SOX5: variants seen among roughly 807,000 people sequenced by gnomAD.
SOX5 encodes the protein SRY-box transcription factor 5.
SOX5 carries 9 observed loss-of-function variants against 92.0 expected under a neutral mutation model. The observed-to-expected ratio is 0.10, with a 90% CI of 0.06 to 0.17. The LOEUF is 0.17. Among genes scored for constraint, SOX5 ranks in the 10% least tolerant of loss-of-function variants. The probability of loss-of-function intolerance (pLI) is 1.00; values close to 1 mark genes in which losing one functional copy is unlikely to be tolerated. For synonymous variants in SOX5, 344 were observed against 336.3 expected (o/e 1.02, Z -0.25); for missense variants, 642 against 944.5 (o/e 0.68, Z 4.20).
intron 1 of SOX5, among the ~76,000 whole-genome samples, chr12:24,547,412 C>T (rs189104468): frequency 1.3e-3 from 190 of 151,310 alleles, no homozygotes; most frequent in Admixed American, 2.3e-3. Flanking sequence ...AGGATGGTCT[C>T]GATCTCCTGA....
At chr12:24,092,800 C>T (rs961789126) in intron 4 of SOX5, among the ~76,000 whole-genome samples, 2 of 152,082 alleles carry the variant, frequency 1.3e-5, no homozygotes, top group African/African-American at 4.8e-5. Flanking sequence ...ATTTTTCCAC[C>T]ACCAAATCTT....
At chr12:23,809,760 CTT>C (rs34337302) in intron 3 of SOX5, among the ~76,000 whole-genome samples, 14,332 of 133,012 alleles carry the variant, frequency 0.11, 702 homozygotes, top group Non-Finnish European at 0.15. Context: ...AAATGAAAGT[CTT>C]TTTTTTTTTT....
At chr12:23,626,108 AAG>A (rs1305811170) in intron 8 of SOX5, among the ~76,000 whole-genome samples, 1 of 152,118 alleles carries the variant, frequency 6.6e-6, no homozygotes, top group Non-Finnish European at 1.5e-5. Flanking sequence ...GAAAGAGAAA[AAG>A]AAAGAGACAG....
At chr12:24,362,459 C>T (rs749109069) in intron 2 of SOX5, among the ~76,000 whole-genome samples, 6 of 152,154 alleles carry the variant, frequency 3.9e-5, no homozygotes, top group Non-Finnish European at 7.4e-5. Flanking sequence ...ACTGACTTCA[C>T]GGGTAACCAG....
intron 3 of SOX5, among the ~76,000 whole-genome samples, chr12:24,222,860 C>G (rs1020846828): frequency 6.6e-6 from 1 of 152,138 alleles, no homozygotes; most frequent in East Asian, 1.9e-4. Flanking sequence ...GGTAGGCAAG[C>G]TTTTAACATT....
intron 3 of SOX5, among the ~76,000 whole-genome samples, chr12:23,837,294 T>C (rs1323653354): frequency 1.8e-5 from 2 of 108,530 alleles, no homozygotes; most frequent in East Asian, 6.0e-4. Context: ...TTTATATTTA[T>C]ATAATATATA....
At chr12:24,352,623 T>G (rs1366141429) in intron 2 of SOX5, among the ~76,000 whole-genome samples, 1 of 152,232 alleles carries the variant, frequency 6.6e-6, no homozygotes, top group Non-Finnish European at 1.5e-5. Context: ...TTTTTTTATC[T>G]AGTCAAATAT....
chr12:24,068,015 T>G (rs930596936), intron 4 of SOX5, among the ~76,000 whole-genome samples: 2 of 151,874 alleles, frequency 1.3e-5, no homozygotes, highest in Non-Finnish European at 2.9e-5. Context: ...CGTGGTGGTG[T>G]GCGCCTGTAG....
intron 1 of SOX5, among the ~76,000 whole-genome samples, chr12:24,454,089 T>C (rs796520371): frequency 2.6e-5 from 4 of 152,286 alleles, no homozygotes; most frequent in African/African-American, 9.6e-5. Context: ...AGCTATATTC[T>C]TTGTTTCTTC....
intron 6 of SOX5, among the ~76,000 whole-genome samples, chr12:23,732,452 G>A (rs1172168105): frequency 7.1e-6 from 1 of 140,994 alleles, no homozygotes; most frequent in South Asian, 2.4e-4. Flanking sequence ...TATGCTTTTC[G>A]TTAATGAATA....
intron 4 of SOX5, among the ~76,000 whole-genome samples, chr12:24,195,108 T>C (rs1194969727): frequency 1.3e-5 from 2 of 148,376 alleles, no homozygotes; most frequent in Non-Finnish European, 3.0e-5. Flanking sequence ...AGCAATTATC[T>C]ACTAGTTGCA....
chr12:23,689,259 C>A (rs1327131638), intron 6 of SOX5, among the ~76,000 whole-genome samples: 1 of 151,982 alleles, frequency 6.6e-6, no homozygotes, highest in Non-Finnish European at 1.5e-5. Context: ...TTCTGATATC[C>A]AAATTGTATA....
At chr12:24,521,694 A>C (rs1302680855) in intron 1 of SOX5, among the ~76,000 whole-genome samples, 1 of 152,212 alleles carries the variant, frequency 6.6e-6, no homozygotes. Flanking sequence ...AGTAAACAAC[A>C]CACTCTTGAA....
At chr12:24,248,301 C>A (rs989199754) in intron 3 of SOX5, among the ~76,000 whole-genome samples, 9 of 152,122 alleles carry the variant, frequency 5.9e-5, no homozygotes, top group Non-Finnish European at 1.2e-4. Context: ...ACTCAGAGAG[C>A]CAATATTCCT....
At chr12:24,374,302 G>A (rs375944182) in intron 1 of SOX5, among the ~76,000 whole-genome samples, 1 of 152,102 alleles carries the variant, frequency 6.6e-6, no homozygotes, top group East Asian at 1.9e-4. Flanking sequence ...GGCAGCGAGA[G>A]CACAGGACTG....
intron 4 of SOX5, among the ~76,000 whole-genome samples, chr12:24,187,321 T>C (rs1015736993): frequency 1.3e-5 from 2 of 152,214 alleles, no homozygotes; most frequent in Non-Finnish European, 2.9e-5. Flanking sequence ...GTCCTGCTGC[T>C]TTCTGAGCTG....
chr12:24,392,747 T>C (rs1417725997), intron 1 of SOX5, among the ~76,000 whole-genome samples: 3 of 152,216 alleles, frequency 2.0e-5, no homozygotes, highest in African/African-American at 7.2e-5. Flanking sequence ...TACTGGCATT[T>C]ATATTAATAA....
intron 13 of SOX5, among the ~76,000 whole-genome samples, chr12:23,540,558 C>T (rs1055399019): frequency 7.2e-5 from 11 of 152,010 alleles, no homozygotes; most frequent in Middle Eastern, 3.2e-3. Context: ...GAAGAGTTTG[C>T]GCTGGGCAAC....
chr12:24,044,096 T>C (rs936245991), intron 4 of SOX5, among the ~76,000 whole-genome samples: 2 of 152,214 alleles, frequency 1.3e-5, no homozygotes, highest in Non-Finnish European at 2.9e-5. Flanking sequence ...CAATTTGCCT[T>C]GGGGCATCCA....
Sources: allele counts gnomAD v4.1 joint callset (sites outside exome capture counted in the v4.1 genomes callset), GRCh38; gene constraint gnomAD v4.1.1; transcripts MANE v1.5; gene names NCBI Gene and HGNC (gene_info 2026-07-23, HGNC 2026-07-21).